Variants in SCN2A observed in about 807,000 individuals in gnomAD.
SCN2A encodes the protein sodium voltage-gated channel alpha subunit 2.
Under a neutral mutation model 188.7 loss-of-function variants are expected in SCN2A, and 20 were observed. The ratio of observed to expected loss-of-function variants is 0.11; its 90% CI spans 0.07 to 0.15. The LOEUF is 0.15. Among genes scored for constraint, SCN2A ranks in the 10% least tolerant of loss-of-function variants. The pLI is 1.00. For missense variants in SCN2A, 1,278 were observed against 2,445.0 expected, an observed-to-expected ratio of 0.52 and a Z score of 10.07; for synonymous variants, 804 against 833.1, an observed-to-expected ratio of 0.97 and a Z score of 0.60.
chr2:165,363,918 A>G (rs991584811), intron 17 of SCN2A, among the ~76,000 whole-genome samples: 1 of 152,152 alleles, frequency 6.6e-6, no homozygotes, highest in Admixed American at 6.6e-5. Flanking sequence ...CATGTATATC[A>G]TACATCAATA....
chr2:165,256,005 T>C lies in SCN2A; in HGVS notation c.-52+16365T>C, dbSNP rs1190130309. Among the ~76,000 whole-genome samples the C allele has an allele frequency of 8.7e-3, 1,214 of 139,748 alleles. 11 individuals carry two copies. Among genetic ancestry groups the C allele is most frequent in the East Asian group, 0.017 (84 of 4,862 alleles). The allele number at this position is 139,748 out of a possible 152,430, so 91.7% of individuals were successfully genotyped here. A position where few individuals can be genotyped will look rare whatever the true frequency, so the allele number is the denominator to read the frequency against. On this transcript the variant is annotated intron_variant, in intron 1 of 26. Transcript: ENST00000375437. ...TTTTCATTTGGGGCTCTTTTCTTTTTTTTTTTTTTTTTTTTGGTGATGGAG... is the reference window on the plus strand; with the variant it reads ...TTTTCATTTGGGGCTCTTTTCTTTTCTTTTTTTTTTTTTTTGGTGATGGAG...
At chr2:165,363,544 GA>G (rs5836030) in intron 17 of SCN2A, among the ~76,000 whole-genome samples, 43,759 of 151,898 alleles carry the variant, frequency 0.29, 6,597 homozygotes, top group Middle Eastern at 0.48. Flanking sequence ...ATTAAAATGA[GA>G]AGATTTTTAA....
At chr2:165,308,194 T>G (rs1022466290) in intron 4 of SCN2A, among the ~76,000 whole-genome samples, 1 of 152,142 alleles carries the variant, frequency 6.6e-6, no homozygotes, top group Non-Finnish European at 1.5e-5. Flanking sequence ...TATGTTCTTT[T>G]GAAGATCACC....
intron 1 of SCN2A, among the ~76,000 whole-genome samples, chr2:165,265,498 T>C (rs1321569769): frequency 1.6e-5 from 2 of 126,396 alleles, no homozygotes; most frequent in Admixed American, 1.5e-4. Context: ...TATATATATA[T>C]ATATATATAT....
At chr2:165,247,259 AT>A (rs1183669978) in intron 1 of SCN2A, among the ~76,000 whole-genome samples, 12 of 151,956 alleles carry the variant, frequency 7.9e-5, no homozygotes, top group East Asian at 3.9e-4. Context: ...TTGTATTTGA[AT>A]TTTTTTACTT....
chr2:165,345,177 T>G (rs1463105673), intron 16 of SCN2A, among the ~76,000 whole-genome samples: 1 of 152,214 alleles, frequency 6.6e-6, no homozygotes, highest in Non-Finnish European at 1.5e-5. Flanking sequence ...TTTCAGTTCT[T>G]GTACTAGAGC....
At chr2:165,317,436 C>T (rs1181086736) in intron 11 of SCN2A, among the ~76,000 whole-genome samples, 2 of 151,708 alleles carry the variant, frequency 1.3e-5, no homozygotes, top group African/African-American at 2.4e-5. Flanking sequence ...TTTTTGCCTA[C>T]ATTTTTACCT....
At chr2:165,251,036 A>G (rs1694066847) in intron 1 of SCN2A, among the ~76,000 whole-genome samples, 1 of 152,120 alleles carries the variant, frequency 6.6e-6, no homozygotes, top group Non-Finnish European at 1.5e-5. Context: ...AAAACATTCT[A>G]AAAGATGTGA....
intron 14 of SCN2A, 152 bp downstream of exon 14, chr2:165,331,720 G>T (rs1303190839): frequency 1.4e-5 from 10 of 706,602 alleles, no homozygotes; most frequent in Non-Finnish European, 2.5e-5. Context: ...ACAAAAAAAT[G>T]TTGCTACCAT....
chr2:165,347,324 C>T (rs778533951), intron 16 of SCN2A, among the ~76,000 whole-genome samples: 59 of 152,110 alleles, frequency 3.9e-4, no homozygotes, highest in African/African-American at 8.2e-4. Context: ...CCATTATTCT[C>T]GGCAAACTAA....
At chr2:165,253,685 G>A (rs1325917467) in intron 1 of SCN2A, among the ~76,000 whole-genome samples, 1 of 151,870 alleles carries the variant, frequency 6.6e-6, no homozygotes, top group Non-Finnish European at 1.5e-5. Context: ...TGCAGACTCT[G>A]GTCTATATAG....
At position 165,344,886 on chromosome 2, in the gene SCN2A, T is replaced by A; in HGVS notation, c.2894T>A (p.Met965Lys). 1 of 1,614,204 alleles carries A rather than the reference T, an allele frequency of 6.2e-7. No individual in the cohort carries two copies. The highest frequency in any genetic ancestry group is 8.5e-7 in the Non-Finnish European group (1 of 1,180,036). ...ACCATGTGCCTTACTGTCTTCATGA[T>A]GGTCATGGTGATTGGAAATCTAGTG... ...GQTMCLTVFM[M>K]VMVIGNLVVL... The change falls in exon 16 of 27, where the codon ATG becomes AAG. Residue 965 changes from methionine (M) to lysine (K), a missense_variant. Transcript: ENST00000375437.
chr2:165,300,212 A>G (rs1189650927), intron 3 of SCN2A, among the ~76,000 whole-genome samples: 3 of 152,208 alleles, frequency 2.0e-5, no homozygotes, highest in African/African-American at 7.2e-5. Context: ...TTAAGTTAAT[A>G]TATGCACACT....
chr2:165,367,208 A>G lies in SCN2A; in HGVS notation c.3521-9A>G, dbSNP rs748099173. 21 of 1,613,890 alleles carry G rather than the reference A, an allele frequency of 1.3e-5. No individual in the cohort carries two copies. The highest frequency in any genetic ancestry group is 1.7e-5 in the Admixed American group (1 of 59,986). On this transcript the variant is annotated splice_polypyrimidine_tract_variant and intron_variant, in intron 18 of 26. Transcript: ENST00000375437. ...TTTTTTGTCTTCATTTTTTTCCCACATATTTTAGACTGTGTACGGAAGTTC... is the reference window on the plus strand; with the variant it reads ...TTTTTTGTCTTCATTTTTTTCCCACGTATTTTAGACTGTGTACGGAAGTTC...
At chr2:165,315,032 G>C (rs1426462209) in intron 10 of SCN2A, among the ~76,000 whole-genome samples, 5 of 152,022 alleles carry the variant, frequency 3.3e-5, no homozygotes, top group African/African-American at 9.7e-5. Flanking sequence ...TAAAATACTT[G>C]ACTGAATTAC....
At chr2:165,288,113 G>C (rs1204405400) in intron 1 of SCN2A, among the ~76,000 whole-genome samples, 19 of 152,114 alleles carry the variant, frequency 1.2e-4, no homozygotes, top group Admixed American at 1.2e-3. Flanking sequence ...CACTGAGATT[G>C]TTCAGCCCCT....
At position 165,308,672 on chromosome 2, in the gene SCN2A, C is replaced by A. The variant is rs758716629; in HGVS notation, c.483C>A (p.Thr161=). The A allele has an allele frequency of 6.2e-7, 1 of 1,611,228 alleles. No individual in the cohort carries two copies. The highest frequency in any genetic ancestry group is 8.5e-7 in the Non-Finnish European group (1 of 1,178,032). ...CTTGGCTATTTTCTCTCAGGTATACCTTTACAGGAATTTATACTTTTGAAT... is the reference window on the plus strand; with the variant it reads ...CTTGGCTATTTTCTCTCAGGTATACATTTACAGGAATTTATACTTTTGAAT... ...PPDWTKNVEY[T]FTGIYTFESL... The change falls in exon 5 of 27, where the codon ACC becomes ACA. Residue 161 remains threonine, a synonymous_variant. Coordinates refer to ENST00000375437, the MANE Select transcript of SCN2A (RefSeq NM_001040142.2).
intron 19 of SCN2A, among the ~76,000 whole-genome samples, chr2:165,369,173 C>T (rs1486943816): frequency 6.6e-6 from 1 of 152,124 alleles, no homozygotes; most frequent in African/African-American, 2.4e-5. Flanking sequence ...AAGAGATCTG[C>T]CCGTCTTGGC....
intron 20 of SCN2A, chr2:165,370,547 C>T (rs1267022942): frequency 4.9e-6 from 2 of 411,016 alleles, no homozygotes; most frequent in Admixed American, 3.8e-5. Context: ...TATTTAAAAT[C>T]TCAAGTTATG....
Sources: gnomAD v4.1 joint callset for allele counts (sites outside exome capture counted in the v4.1 genomes callset) on GRCh38, gnomAD v4.1.1 for gene constraint, MANE v1.5 for transcripts, NCBI Gene and HGNC (gene_info 2026-07-23, HGNC 2026-07-21) for gene names.